The following CYP4A11 variants were observed in gnomAD, a reference collection of about 807,000 sequenced individuals.
The protein encoded by CYP4A11 is cytochrome P450 4A11.
CYP4A11 carries 52 observed loss-of-function variants against 57.7 expected under a neutral mutation model. The observed-to-expected ratio is 0.90, with a 90% CI of 0.72 to 1.14. The LOEUF (loss-of-function observed/expected upper bound fraction) is 1.14. Ranked by LOEUF, CYP4A11 falls within the 50% of genes most tolerant of loss-of-function variation. CYP4A11 has a pLI of 0.00. For missense variants in CYP4A11, 641 were observed against 642.1 expected (o/e 1.00, Z 0.02); for synonymous variants, 228 against 247.1 (o/e 0.92, Z 0.72).
chr1:46,940,241 A>G (rs1224311575), intron 1 of CYP4A11, among the ~76,000 whole-genome samples: 3 of 152,226 alleles, frequency 2.0e-5, no homozygotes, highest in African/African-American at 7.2e-5. Flanking sequence ...GTCTTGAGCC[A>G]TGCATAAAAT....
At chr1:46,941,087 G>A (rs1681721219) in intron 1 of CYP4A11, 152 bp downstream of exon 1, 2 of 1,409,110 alleles carry the variant, frequency 1.4e-6, no homozygotes, top group Non-Finnish European at 9.3e-7. Context: ...CCTCATGACT[G>A]GGAAAAGCTG....
At chr1:46,934,676 T>G (rs1681266164) in intron 6 of CYP4A11, 117 bp from the exon 7 acceptor site, 2 of 1,081,780 alleles carry the variant, frequency 1.8e-6, no homozygotes, top group Non-Finnish European at 2.7e-6. Context: ...AATGTGAGTG[T>G]GGGTGCAGGG....
chr1:46,936,541 C>G, intron 4 of CYP4A11, 123 bp downstream of exon 4: 1 of 1,395,436 alleles, frequency 7.2e-7, no homozygotes, highest in Admixed American at 2.9e-5. Flanking sequence ...ACAGCAATGA[C>G]CTGAGAGTGT....
chr1:46,933,745 T>C (rs1165625273), intron 9 of CYP4A11, among the ~76,000 whole-genome samples: 1 of 152,204 alleles, frequency 6.6e-6, no homozygotes, highest in African/African-American at 2.4e-5. Flanking sequence ...GAGATTAACA[T>C]TTATTTCTTG....
rs574431022 is a variant in CYP4A11, at chr1:46,940,985, G to A, written c.195+254C>T. The A allele has an allele frequency of 3.5e-3, 3,455 of 985,354 alleles. 12 individuals carry two copies. The highest frequency in any genetic ancestry group is 4.0e-3 in the Non-Finnish European group (3,342 of 829,900). The allele number at this position is 985,354 out of a possible 1,614,324, so 61.0% of individuals were successfully genotyped here. On this transcript the variant is annotated intron_variant, in intron 1 of 11. Transcript: ENST00000310638. ...AATCAGGCATTGCCCTCCACATGCA[G>A]GACTGCCAAGACACACTTGATATCT... is the stretch of plus-strand genomic sequence containing the variant.
rs752049616 is a variant in CYP4A11, at chr1:46,934,514, T to G, written c.836A>C (p.Glu279Ala). The change falls in exon 7 of 12, where the codon GAG becomes GCG. Residue 279 changes from glutamate (E) to alanine (A), a missense_variant. Coordinates refer to ENST00000310638, the MANE Select transcript of CYP4A11 (RefSeq NM_000778.4). ...LRKAQLQKEG[E>A]LEKIKRKRHL... ...CCTCTTCCTCTTGATCTTCTCCAGC[T>G]CCCCCTCCTTCTGTAGTTGAGCCTT... The G allele has an allele frequency of 5.0e-6, 8 of 1,613,706 alleles. No homozygotes were observed. In the South Asian group the frequency reaches 8.8e-5, roughly 18 times the overall value.
At position 46,941,323 on chromosome 1, in the gene CYP4A11, G is replaced by C. The variant is rs1681738514; in HGVS notation, c.111C>G (p.Leu37=). The C allele has an allele frequency of 6.2e-7, 1 of 1,614,188 alleles. No individual in the cohort carries two copies. Among genetic ancestry groups the C allele is most frequent in the Non-Finnish European group, 8.5e-7 (1 of 1,180,042 alleles). ...TGAGCAGCCACTGCCTGTGCAGGTA[G>C]AGCTGAACTGCCTTGATCAGCAGCA... is the stretch of plus-strand genomic sequence containing the variant. ...LLLLLIKAVQ[L]YLHRQWLLKA... The change falls in exon 1 of 12, where the codon CTC becomes CTG. Residue 37 remains leucine, a synonymous_variant. Coordinates refer to ENST00000310638, the MANE Select transcript of CYP4A11 (RefSeq NM_000778.4).
chr1:46,938,725 G>T (rs1681573455), intron 1 of CYP4A11, among the ~76,000 whole-genome samples: 1 of 152,212 alleles, frequency 6.6e-6, no homozygotes, highest in Non-Finnish European at 1.5e-5. Context: ...TGGTGCTGGT[G>T]TTGGACAATA....
At chr1:46,936,370 A>G (rs1206121714) in intron 4 of CYP4A11, among the ~76,000 whole-genome samples, 1 of 152,218 alleles carries the variant, frequency 6.6e-6, no homozygotes, top group Non-Finnish European at 1.5e-5. Flanking sequence ...GCAAGATTGC[A>G]TACTCCTCCA....
At position 46,930,245 on chromosome 1, in the gene CYP4A11, C is replaced by A; in HGVS notation, c.1430G>T (p.Arg477Leu). The A allele has an allele frequency of 6.2e-7, 1 of 1,614,088 alleles. No individual in the cohort carries two copies. Among genetic ancestry groups the A allele is most frequent in the South Asian group, 1.1e-5 (1 of 91,070 alleles). ...LKVATALTLLRFELLPDPTRI... is the reference protein window; with the variant it reads ...LKVATALTLLLFELLPDPTRI... ...GGTGGGATCAGGCAGCAGCTCAAAGCGGAGCAGGGTCAGGGCCGTGGCCAC... is the reference window on the plus strand; with the variant it reads ...GGTGGGATCAGGCAGCAGCTCAAAGAGGAGCAGGGTCAGGGCCGTGGCCAC... The change falls in exon 12 of 12, where the codon CGC becomes CTC. Residue 477 changes from arginine (R) to leucine (L), a missense_variant. Arg to Leu is a moderately radical substitution (Grantham distance 102). Transcript: ENST00000310638.
intron 11 of CYP4A11, among the ~76,000 whole-genome samples, chr1:46,930,545 C>G (rs1557546179): frequency 6.6e-6 from 1 of 152,228 alleles, no homozygotes; most frequent in Non-Finnish European, 1.5e-5. Flanking sequence ...CCCTCTACCT[C>G]TGCTCTCAGC....
At chr1:46,930,356 A>T (rs1175057217) in intron 11 of CYP4A11, 46 bp from the exon 12 acceptor site, 1 of 1,568,412 alleles carries the variant, frequency 6.4e-7, no homozygotes, top group South Asian at 1.2e-5. Context: ...CTCAGGCCCC[A>T]TTCTGATCTG....
chr1:46,934,909 G>T, intron 6 of CYP4A11, 91 bp downstream of exon 6: 2 of 1,547,700 alleles, frequency 1.3e-6, no homozygotes, highest in Non-Finnish European at 8.7e-7. Flanking sequence ...CGTTCTGCAG[G>T]GTTACTAGGG....
chr1:46,941,396 C>T lies in CYP4A11; in HGVS notation c.38G>A (p.Gly13Asp). 3.1e-6 allele frequency: 5 copies of T among 1,614,172 alleles called. No individual in the cohort carries two copies. Among genetic ancestry groups the T allele is most frequent in the Non-Finnish European group, 4.2e-6 (5 of 1,180,020 alleles). Residue 13 changes from glycine (G) to aspartate (D), a missense_variant, in exon 1 of 12, where the codon GGT (glycine) becomes GAT (aspartate). Physicochemically the swap from Gly to Asp is moderately conservative, Grantham distance 94. Transcript: ENST00000310638. Reference sequence around the variant, plus strand: ...CGCTTGGAGGATTCCAGAGACATCACCCAGGAGTCTGCTGGGGCTCAGCAC... The same window carrying T: ...CGCTTGGAGGATTCCAGAGACATCATCCAGGAGTCTGCTGGGGCTCAGCAC... ...VSVLSPSRLLGDVSGILQAAS... is the reference protein window; with the variant it reads ...VSVLSPSRLLDDVSGILQAAS...
rs765037022 is a variant in CYP4A11 at position 46,930,267 on chromosome 1, C to A, written c.1408G>T (p.Ala470Ser). 3.7e-6 allele frequency: 6 copies of A among 1,613,892 alleles called. No homozygotes were observed. Among genetic ancestry groups the A allele is most frequent in the Non-Finnish European group, 8.5e-7 (1 of 1,179,878 alleles). ...AAGCGGAGCAGGGTCAGGGCCGTGG[C>A]CACCTTCAGCTCGTTCATGGCAAAT... ...KQFAMNELKV[A>S]TALTLLRFEL... Residue 470 changes from alanine (A) to serine (S), a missense_variant, in exon 12 of 12, where the codon GCC (alanine) becomes TCC (serine). Coordinates refer to ENST00000310638, the MANE Select transcript of CYP4A11 (RefSeq NM_000778.4).
intron 9 of CYP4A11, 129 bp downstream of exon 9, chr1:46,933,817 T>C: frequency 7.1e-7 from 1 of 1,406,826 alleles, no homozygotes. Context: ...AAGTACAAAG[T>C]ATGTTTTTGA....
rs565263524 is a variant in CYP4A11, at chr1:46,936,839, G to GTGTGTGTGTT, written c.383-49_383-48insAACACACACA. ...TTTGTGTGTGTGTGTGTGTGTGTGT[G>GTGTGTGTGTT]TGTGTCAGGGGCTGCAAGGAGCTAG... On this transcript the variant is annotated intron_variant, in intron 3 of 11. Coordinates refer to ENST00000310638, the MANE Select transcript of CYP4A11 (RefSeq NM_000778.4). 2.8e-5 allele frequency: 43 copies of GTGTGTGTGTT among 1,522,646 alleles called. No homozygotes were observed. In the African/African-American group the frequency reaches 5.2e-4, roughly 19 times the overall value. The allele number at this position is 1,522,646 out of a possible 1,614,324, so 94.3% of individuals were successfully genotyped here. A position where few individuals can be genotyped will look rare whatever the true frequency, so the allele number is the denominator to read the frequency against.
chr1:46,930,866 C>G (rs1176047475), intron 11 of CYP4A11, among the ~76,000 whole-genome samples: 1 of 152,146 alleles, frequency 6.6e-6, no homozygotes, highest in Non-Finnish European at 1.5e-5. Flanking sequence ...CCCCACCTGC[C>G]TCCCACCCCA....
chr1:46,938,731 C>G (rs1289959310), intron 1 of CYP4A11, among the ~76,000 whole-genome samples: 4 of 152,306 alleles, frequency 2.6e-5, no homozygotes, highest in African/African-American at 9.6e-5. Context: ...TGGTGTTGGA[C>G]AATAATTTTG....
Sources: gnomAD v4.1 joint callset for allele counts (sites outside exome capture counted in the v4.1 genomes callset) on GRCh38, gnomAD v4.1.1 for gene constraint, MANE v1.5 for transcripts, NCBI Gene and HGNC (gene_info 2026-07-23, HGNC 2026-07-21) for gene names.